The following BSN variants were observed in gnomAD, a reference collection of about 807,000 sequenced individuals.
The protein encoded by BSN is protein bassoon.
Under a neutral mutation model 264.8 loss-of-function variants are expected in BSN, and 57 were observed. The ratio of observed to expected loss-of-function variants is 0.22; its 90% CI spans 0.17 to 0.27. The LOEUF is 0.27. Among genes scored for constraint, BSN ranks in the 10% least tolerant of loss-of-function variants. The pLI is 1.00. For synonymous variants in BSN, 2,059 were observed against 2,137.3 expected (o/e 0.96, Z 1.01); for missense variants, 4,615 against 5,232.5 (o/e 0.88, Z 3.64).
Position 49,630,854 on chromosome 3 carries a change from G to A in BSN, c.633+5471G>A, listed in dbSNP as rs1174037764. ...AGGGGAGGCAGGAAAGGGAGGTGAT[G>A]GAAAGAGAGCCAGAGGCAGGAAGAG... On this transcript the variant is annotated intron_variant, in intron 2 of 11. Coordinates refer to ENST00000296452, the MANE Select transcript of BSN (RefSeq NM_003458.4). 2.0e-5 allele frequency among the ~76,000 whole-genome samples: 3 copies of A among 152,182 alleles called. No homozygotes were observed. The East Asian group carries it at 5.8e-4, about 29-fold the overall frequency.
rs546098193 is a variant in BSN, at chr3:49,655,596, A to G, written c.6040A>G (p.Met2014Val). The change falls in exon 5 of 12, where the codon ATG (methionine) becomes GTG (valine). Residue 2014 changes from methionine to valine, a missense_variant. Transcript: ENST00000296452. ...LFQGPGRDSA[M>V]DLSSLKHSYS... ...CCAGGGTCCTGGACGAGACTCGGCTATGGACCTCAGCTCACTGAAGCACTC... is the reference window on the plus strand; with the variant it reads ...CCAGGGTCCTGGACGAGACTCGGCTGTGGACCTCAGCTCACTGAAGCACTC... 1 of 1,613,642 alleles carries G rather than the reference A, an allele frequency of 6.2e-7. No homozygotes were observed. Among genetic ancestry groups the G allele is most frequent in the Non-Finnish European group, 8.5e-7 (1 of 1,180,000 alleles).
chr3:49,610,584 CAAAAA>C (rs60726552), intron 1 of BSN, among the ~76,000 whole-genome samples: 1 of 71,206 alleles, frequency 1.4e-5, no homozygotes, highest in South Asian at 7.2e-4. Flanking sequence ...AATTTCATCT[CAAAAA>C]AAAAAAAAAA....
At chr3:49,606,203 T>TTATATATGTATATATTATATATACA (rs2052142739) in intron 1 of BSN, among the ~76,000 whole-genome samples, 8 of 47,990 alleles carry the variant, frequency 1.7e-4, no homozygotes, top group East Asian at 3.6e-4. Context: ...TATACATATA[T>TTATATATGTATATATTATATATACA]TATATATGTA....
rs1397762947 is a variant in BSN, at chr3:49,662,135, A to C, written c.10290A>C (p.Ala3430=). The C allele has an allele frequency of 6.2e-7, 1 of 1,613,524 alleles. No homozygotes were observed. The highest frequency in any genetic ancestry group is 2.2e-5 in the East Asian group (1 of 44,886). The change falls in exon 6 of 12, where the codon GCA becomes GCC. Residue 3430 remains alanine (A), a synonymous_variant. Coordinates refer to ENST00000296452, the MANE Select transcript of BSN (RefSeq NM_003458.4). ...QKYYGMSSRD[A]VEDDRIYGGS... is the part of the protein sequence containing the mutation. ...ACTATGGGATGTCCAGCCGGGACGC[A>C]GTGGAGGACGACCGCATTTATGGCG... is the stretch of plus-strand genomic sequence containing the variant.
intron 1 of BSN, among the ~76,000 whole-genome samples, chr3:49,598,559 A>G (rs2052043604): frequency 6.6e-6 from 1 of 152,162 alleles, no homozygotes; most frequent in African/African-American, 2.4e-5. Flanking sequence ...GGCCTCCCAA[A>G]GTGCTGGGAT....
At chr3:49,589,733 C>T (rs1194599342) in intron 1 of BSN, among the ~76,000 whole-genome samples, 1 of 150,318 alleles carries the variant, frequency 6.7e-6, no homozygotes, top group African/African-American at 2.4e-5. Flanking sequence ...TCTCAATCTC[C>T]TGAGCTCAGG....
chr3:49,664,298 G>T, intron 8 of BSN, 125 bp from the exon 9 acceptor site: 4 of 1,247,652 alleles, frequency 3.2e-6, no homozygotes, highest in Non-Finnish European at 4.5e-6. Flanking sequence ...TATTTCCCTA[G>T]CCTCCTTCTC....
intron 2 of BSN, among the ~76,000 whole-genome samples, chr3:49,628,868 G>A (rs2108060985): frequency 6.6e-6 from 1 of 152,172 alleles, no homozygotes; most frequent in African/African-American, 2.4e-5. Flanking sequence ...GGCTGAAGCT[G>A]GTTCAGAACA....
At chr3:49,581,561 T>C (rs1013581685) in intron 1 of BSN, among the ~76,000 whole-genome samples, 7 of 151,960 alleles carry the variant, frequency 4.6e-5, no homozygotes, top group Non-Finnish European at 1.0e-4. Context: ...CATGGTGGCT[T>C]ACGCCTGTAA....
intron 1 of BSN, among the ~76,000 whole-genome samples, chr3:49,605,452 T>TAA (rs2052110238): frequency 3.8e-5 from 1 of 26,128 alleles, no homozygotes; most frequent in Non-Finnish European, 6.0e-5. Flanking sequence ...ATATATTATA[T>TAA]AATATATATT....
At chr3:49,574,512 CA>C (rs1331068149) in intron 1 of BSN, among the ~76,000 whole-genome samples, 1 of 151,944 alleles carries the variant, frequency 6.6e-6, no homozygotes, top group African/African-American at 2.4e-5. Context: ...CGGCTCACTG[CA>C]ACCTCTGCCT....
chr3:49,605,497 ATAATATATATTATATAAT>A (rs1390077773), intron 1 of BSN, among the ~76,000 whole-genome samples: 3 of 8,278 alleles, frequency 3.6e-4, no homozygotes, highest in Non-Finnish European at 5.5e-4. Flanking sequence ...TATATTATAT[ATAATATATATTATATAAT>A]ATATATATAA....
intron 1 of BSN, among the ~76,000 whole-genome samples, chr3:49,563,338 GC>G (rs2051729538): frequency 6.6e-6 from 1 of 152,222 alleles, no homozygotes; most frequent in Non-Finnish European, 1.5e-5. Context: ...AGAGCCTGCT[GC>G]AGGCTCCCTG....
chr3:49,657,872 C>T lies in BSN; in HGVS notation c.8316C>T (p.Ala2772=). Residue 2772 remains alanine (A), a synonymous_variant, in exon 5 of 12, where the codon GCC becomes GCT. Coordinates refer to ENST00000296452, the MANE Select transcript of BSN (RefSeq NM_003458.4). ...KPDPLEIGYQ[A]HLPPESLSQL... ...ATCCCCTGGAGATTGGGTACCAGGC[C>T]CACCTGCCTCCGGAGTCTCTCTCAC... 1.2e-6 allele frequency: 2 copies of T among 1,613,552 alleles called. No homozygotes were observed. The highest frequency in any genetic ancestry group is 1.7e-6 in the Non-Finnish European group (2 of 1,179,890).
intron 3 of BSN, among the ~76,000 whole-genome samples, chr3:49,643,939 C>T (rs1051413909): frequency 6.6e-6 from 1 of 152,190 alleles, no homozygotes. Context: ...AGTGTTCCCT[C>T]GAAGCCTGGA....
At chr3:49,639,794 G>A (rs2108069911) in intron 2 of BSN, among the ~76,000 whole-genome samples, 1 of 152,370 alleles carries the variant, frequency 6.6e-6, no homozygotes, top group Non-Finnish European at 1.5e-5. Context: ...GAACCATTGA[G>A]AACACATTGC....
chr3:49,606,193 T>A (rs1204209504), intron 1 of BSN, among the ~76,000 whole-genome samples: 25 of 51,282 alleles, frequency 4.9e-4, no homozygotes, highest in African/African-American at 1.7e-3. Context: ...ATATATTATA[T>A]ATACATATAT....
chr3:49,657,837 A>C lies in BSN; in HGVS notation c.8281A>C (p.Lys2761Gln). The C allele has an allele frequency of 6.2e-7, 1 of 1,609,308 alleles. No homozygotes were observed. The highest frequency in any genetic ancestry group is 8.5e-7 in the Non-Finnish European group (1 of 1,178,176). ...AGGGCCTCTGGGCAGATTTGAAAAA[A>C]AGAAGCCAGATCCCCTGGAGATTGG... is the stretch of plus-strand genomic sequence containing the variant. ...TPGPLGRFEK[K>Q]KPDPLEIGYQ... The change falls in exon 5 of 12, where the codon AAG becomes CAG. Residue 2761 changes from lysine (K) to glutamine (Q), a missense_variant. Around this residue, in one of 3 missense-constraint regions of BSN, gnomAD observed 3,415 missense variants for 3,866.4 expected, o/e 0.88. Coordinates refer to ENST00000296452, the MANE Select transcript of BSN (RefSeq NM_003458.4).
At chr3:49,607,531 A>C (rs1244581706) in intron 1 of BSN, among the ~76,000 whole-genome samples, 1 of 152,186 alleles carries the variant, frequency 6.6e-6, no homozygotes, top group Non-Finnish European at 1.5e-5. Context: ...ATGCTCACAC[A>C]CACATGCACA....
Sources: gnomAD v4.1 joint callset for allele counts (sites outside exome capture counted in the v4.1 genomes callset) on GRCh38, gnomAD v4.1.1 for gene constraint, gnomAD v4.1.1 regional missense constraint, MANE v1.5 for transcripts, NCBI Gene and HGNC (gene_info 2026-07-23, HGNC 2026-07-21) for gene names.